The following ZNF570 variants were observed in gnomAD, a reference collection of about 807,000 sequenced individuals.
ZNF570 encodes zinc finger protein 570.
ZNF570 carries 8 observed loss-of-function variants against 14.2 expected under a neutral mutation model. The observed-to-expected ratio is 0.56, with a 90% CI of 0.33 to 1.02. ZNF570 has a LOEUF of 1.02. ZNF570 is among the 50% of genes least tolerant of loss of function. The pLI, the probability that ZNF570 is intolerant of heterozygous loss-of-function variation, is 0.03. For synonymous variants in ZNF570, 202 were observed against 207.6 expected, an observed-to-expected ratio of 0.97 and a Z score of 0.23; for missense variants, 559 against 624.9, an observed-to-expected ratio of 0.89 and a Z score of 1.12.
intron 2 of ZNF570, among the ~76,000 whole-genome samples, chr19:37,470,890 G>C (rs986653969): frequency 2.6e-5 from 4 of 151,294 alleles, no homozygotes; most frequent in Non-Finnish European, 4.4e-5. Context: ...AGTAGAGACG[G>C]GGTTTCACCA....
At position 37,475,869 on chromosome 19, in the gene ZNF570, A is replaced by G; in HGVS notation, c.34-12A>G. 6.2e-7 allele frequency: 1 copy of G among 1,607,426 alleles called. No individual in the cohort carries two copies. Among genetic ancestry groups the G allele is most frequent in the Non-Finnish European group, 8.5e-7 (1 of 1,177,604 alleles). ...GGTAAGAGATAAGGTTCTTCCATTTATTTCATTTCAGGAGTTGGTGACCTT... is the reference window on the plus strand; with the variant it reads ...GGTAAGAGATAAGGTTCTTCCATTTGTTTCATTTCAGGAGTTGGTGACCTT... On this transcript the variant is annotated splice_polypyrimidine_tract_variant and intron_variant, in intron 2 of 4. Coordinates refer to ENST00000330173, the MANE Select transcript of ZNF570 (RefSeq NM_144694.5).
upstream of ZNF570, chr19:37,469,207 T>C (rs985547039): frequency 1.5e-5 from 19 of 1,286,454 alleles, no homozygotes; most frequent in African/African-American, 2.7e-4. Context: ...GAGGAGGCCG[T>C]GTTACAAACC....
upstream of ZNF570, chr19:37,468,033 A>C: frequency 9.3e-7 from 1 of 1,080,336 alleles, no homozygotes; most frequent in Non-Finnish European, 1.4e-6. Flanking sequence ...TAGCTGTGTC[A>C]TCTCAGACTA....
intron 4 of ZNF570, among the ~76,000 whole-genome samples, chr19:37,479,846 T>A (rs1453582505): frequency 6.6e-6 from 1 of 152,202 alleles, no homozygotes; most frequent in African/African-American, 2.4e-5. Flanking sequence ...TTTTTCCTAC[T>A]CCTTTATTCT....
At chr19:37,473,458 G>A (rs1356109479) in intron 2 of ZNF570, among the ~76,000 whole-genome samples, 1 of 152,168 alleles carries the variant, frequency 6.6e-6, no homozygotes, top group Non-Finnish European at 1.5e-5. Context: ...ATGAGGAACA[G>A]TGAAAAAGTG....
At chr19:37,469,080 G>C, upstream of ZNF570, 1 of 1,026,300 alleles carries the variant, frequency 9.7e-7, no homozygotes, top group Non-Finnish European at 1.2e-6. Flanking sequence ...ACCAGCCCGT[G>C]TAGTGTGACG....
intron 2 of ZNF570, among the ~76,000 whole-genome samples, chr19:37,474,478 G>A (rs909026032): frequency 6.6e-6 from 1 of 152,084 alleles, no homozygotes; most frequent in Non-Finnish European, 1.5e-5. Flanking sequence ...TTTTGTTTTT[G>A]AGACAAAGTC....
At chr19:37,469,016 C>G, upstream of ZNF570, 9 of 982,084 alleles carry the variant, frequency 9.2e-6, no homozygotes, top group Non-Finnish European at 9.7e-6. Flanking sequence ...TCTCAACTCC[C>G]CGCCCTGGTT....
chr19:37,484,884 A>T lies in ZNF570; in HGVS notation c.1262A>T (p.Lys421Ile). The change falls in exon 5 of 5, where the codon AAA becomes ATA. Residue 421 changes from lysine (K) to isoleucine (I), a missense_variant. Transcript: ENST00000330173. ...CCTTATAAGTGTCAGGAATGTAGGA[A>T]AGCATTCAGCCAGATTGCCTACCTT... ...EKPYKCQECR[K>I]AFSQIAYLAQ... is the part of the protein sequence containing the mutation. 6.2e-7 allele frequency: 1 copy of T among 1,614,002 alleles called. No individual in the cohort carries two copies.
chr19:37,483,174 A>G (rs1183614939), intron 4 of ZNF570, among the ~76,000 whole-genome samples: 1 of 152,088 alleles, frequency 6.6e-6, no homozygotes, highest in Non-Finnish European at 1.5e-5. Context: ...TGGCCTTCTT[A>G]ATATTCCCCA....
rs1199529025 is a variant in ZNF570, at chr19:37,476,022, T to C, written c.160+15T>C. ...GGTATCACTGGGTAAGGATATCTTC[T>C]TGCAAAACTGAGCTTCTGCTCAAAA... On this transcript the variant is annotated intron_variant, in intron 3 of 4. Coordinates refer to ENST00000330173, the MANE Select transcript of ZNF570 (RefSeq NM_144694.5). 7 of 1,586,466 alleles carry C rather than the reference T, an allele frequency of 4.4e-6. No individual in the cohort carries two copies. The South Asian group carries it at 7.0e-5, about 16-fold the overall frequency.
At chr19:37,477,009 T>TATAA (rs771243333) in intron 4 of ZNF570, among the ~76,000 whole-genome samples, 6 of 152,120 alleles carry the variant, frequency 3.9e-5, no homozygotes, top group Non-Finnish European at 7.4e-5. Flanking sequence ...CCTGGCCTCT[T>TATAA]ATAAATTTTT....
chr19:37,471,414 T>C (rs1425402205), intron 2 of ZNF570, among the ~76,000 whole-genome samples: 1 of 152,186 alleles, frequency 6.6e-6, no homozygotes, highest in Non-Finnish European at 1.5e-5. Context: ...TTCCTCACTC[T>C]AGTCTCTAAC....
rs2041934851 is a variant in ZNF570, at chr19:37,470,305, C to T, written c.-50C>T. 1 of 1,613,692 alleles carries T rather than the reference C, an allele frequency of 6.2e-7. No individual in the cohort carries two copies. Among genetic ancestry groups the T allele is most frequent in the Non-Finnish European group, 8.5e-7 (1 of 1,179,832 alleles). ...CTCATGTTCTTTTCCCCATCTCAGT[C>T]ATCTGAGGCCACTGCTATTTCCCAA... On this transcript the variant is annotated splice_region_variant and 5_prime_UTR_variant, in exon 2 of 5. Transcript: ENST00000330173.
At chr19:37,469,075 C>G (rs538469933), upstream of ZNF570, 203 of 1,018,402 alleles carry the variant, frequency 2.0e-4, no homozygotes, top group Non-Finnish European at 2.3e-4. Context: ...TCCACACCAG[C>G]CCGTGTAGTG....
At chr19:37,477,209 A>C (rs1033684845) in intron 4 of ZNF570, among the ~76,000 whole-genome samples, 1 of 148,108 alleles carries the variant, frequency 6.8e-6, no homozygotes, top group African/African-American at 2.5e-5. Flanking sequence ...TTCTGTGTTT[A>C]TTGTTGTGGT....
In ZNF570 at chr19:37,485,006, C is replaced by T. The variant is rs761712888; in HGVS notation, c.1384C>T (p.Arg462Ter). 1.6e-5 allele frequency: 26 copies of T among 1,613,394 alleles called. No homozygotes were observed. The highest frequency in any genetic ancestry group is 1.1e-4 in the East Asian group (5 of 44,840). ...TGACTCGTCCCTTACTCAACATCAG[C>T]GAGTTCATACTGGAGAGAAACCTTA... ...SNDSSLTQHQ[R>*]VHTGEKPYEC... Residue 462 changes from arginine to a stop codon, truncating the protein, a stop_gained, in exon 5 of 5, where the codon CGA becomes TGA. Transcript: ENST00000330173. LOFTEE classifies it high-confidence loss of function.
intron 4 of ZNF570, among the ~76,000 whole-genome samples, chr19:37,477,869 T>C (rs1297726643): frequency 6.6e-5 from 10 of 152,224 alleles, no homozygotes; most frequent in Admixed American, 1.3e-4. Context: ...TTTTTCTGAA[T>C]GTTACCTCTT....
Position 37,487,079 on chromosome 19 carries a change from G to A in ZNF570, c.*1846G>A, listed in dbSNP as rs1178230532. 6.6e-6 allele frequency: 1 copy of A among 152,024 alleles called. No individual in the cohort carries two copies. Among genetic ancestry groups the A allele is most frequent in the Admixed American group, 6.6e-5 (1 of 15,228 alleles). 9.4% of individuals were successfully genotyped at this position (152,024 alleles called of 1,614,324 possible). ...TAGCCAGGTGTGGTGGCGCACGCCT[G>A]TAATCCCAGCTACTCAGGAGGCTGA... is the stretch of plus-strand genomic sequence containing the variant. On this transcript the variant is annotated 3_prime_UTR_variant, in exon 5 of 5. Transcript: ENST00000330173.
Sources: allele counts gnomAD v4.1 joint callset (sites outside exome capture counted in the v4.1 genomes callset), GRCh38; gene constraint gnomAD v4.1.1; transcripts MANE v1.5; gene names NCBI Gene and HGNC (gene_info 2026-07-23, HGNC 2026-07-21).